Variants in EFCAB6 observed in about 807,000 individuals in gnomAD.
The protein encoded by EFCAB6 is EF-hand calcium-binding domain-containing protein 6.
EFCAB6 carries 156 observed loss-of-function variants against 169.8 expected under a neutral mutation model. That is an observed-to-expected ratio of 0.92 (90% confidence interval 0.81 to 1.05). The LOEUF is 1.05. Among genes scored for constraint, EFCAB6 ranks in the 50% least tolerant of loss-of-function variants. The pLI, the probability that EFCAB6 is intolerant of heterozygous loss-of-function variation, is 0.00. For synonymous variants in EFCAB6, 698 were observed against 676.4 expected, an observed-to-expected ratio of 1.03 and a Z score of -0.50; for missense variants, 1,800 against 1,829.1, an observed-to-expected ratio of 0.98 and a Z score of 0.29.
At chr22:43,623,896 G>A (rs1266398671) in intron 20 of EFCAB6, among the ~76,000 whole-genome samples, 2 of 137,842 alleles carry the variant, frequency 1.5e-5, no homozygotes, top group East Asian at 2.2e-4. Context: ...GTGACAGAGC[G>A]AGACTCCTTC....
chr22:43,755,902 G>T, intron 5 of EFCAB6, 70 bp from the exon 6 acceptor site: 1 of 1,321,008 alleles, frequency 7.6e-7, no homozygotes, highest in South Asian at 1.5e-5. Context: ...GATATGCAGA[G>T]ATCAAAATTA....
Position 43,789,847 on chromosome 22 carries a change from TCACACA to T in EFCAB6, c.-7-7528_-7-7523del, listed in dbSNP as rs34752280. 3.6e-3 allele frequency among the ~76,000 whole-genome samples: 518 copies of T among 143,400 alleles called. 8 individuals carry two copies. The highest frequency in any genetic ancestry group is 0.034 in the East Asian group (167 of 4,864). 94.1% of individuals were successfully genotyped at this position (143,400 alleles called of 152,430 possible). On this transcript the variant is annotated intron_variant, in intron 2 of 31. Coordinates refer to ENST00000262726, the MANE Select transcript of EFCAB6 (RefSeq NM_022785.4). ...CTGAGGCTCCTAAGTTGGCTAACCT[TCACACA>T]CACACACACACACACACACACACAC...
At chr22:43,636,801 G>A (rs1314438071) in intron 17 of EFCAB6, among the ~76,000 whole-genome samples, 2 of 151,352 alleles carry the variant, frequency 1.3e-5, no homozygotes, top group African/African-American at 4.9e-5. Context: ...TAGTAGAGAC[G>A]GGGTTTCACC....
At chr22:43,733,167 T>C (rs933602430) in intron 7 of EFCAB6, among the ~76,000 whole-genome samples, 1 of 152,174 alleles carries the variant, frequency 6.6e-6, no homozygotes, top group Non-Finnish European at 1.5e-5. Context: ...CCTAAAGAGC[T>C]TCATCTTTCA....
At chr22:43,802,016 G>A (rs2148185151) in intron 2 of EFCAB6, among the ~76,000 whole-genome samples, 1 of 152,280 alleles carries the variant, frequency 6.6e-6, no homozygotes, top group South Asian at 2.1e-4. Context: ...GTGAAGGGAT[G>A]GAAAGGATAT....
intron 24 of EFCAB6, among the ~76,000 whole-genome samples, chr22:43,589,280 CAAAAAAAAAAAAAAAAAAAAAAAAAAAA>C (rs1163346832): frequency 4.9e-5 from 4 of 80,932 alleles, no homozygotes; most frequent in Non-Finnish European, 9.6e-5. Context: ...GACTTCATGT[CAAAAAAAAAAAAAAAAAAAAAAAAAAAA>C]AAAAAAAAAA....
In EFCAB6 at chr22:43,678,033, G is replaced by A. The variant is rs761448990; in HGVS notation, c.1382C>T (p.Thr461Ile). The A allele has an allele frequency of 6.2e-7, 1 of 1,613,940 alleles. No homozygotes were observed. Among genetic ancestry groups the A allele is most frequent in the Non-Finnish European group, 8.5e-7 (1 of 1,179,976 alleles). Residue 461 changes from threonine (T) to isoleucine (I), a missense_variant, in exon 13 of 32, where the codon ACC becomes ATC. Thr to Ile is a moderately conservative substitution (Grantham distance 89). Coordinates refer to ENST00000262726, the MANE Select transcript of EFCAB6 (RefSeq NM_022785.4). ...TTCAATCAGATCAATAAACATGCTG[G>A]TGTTGACCACTCCAGTGTCCCCAGG... ...LDPGDTGVVNTSMFIDLIEEN... is the reference protein window; with the variant it reads ...LDPGDTGVVNISMFIDLIEEN...
At position 43,530,844 on chromosome 22, in the gene EFCAB6, C is replaced by A. The variant is rs771677982; in HGVS notation, c.4354G>T (p.Gly1452Trp). 1.2e-6 allele frequency: 2 copies of A among 1,614,092 alleles called. No individual in the cohort carries two copies. Among genetic ancestry groups the A allele is most frequent in the Non-Finnish European group, 8.5e-7 (1 of 1,180,052 alleles). The change falls in exon 31 of 32, where the codon GGG becomes TGG. Residue 1452 changes from glycine (G) to tryptophan (W), a missense_variant. Transcript: ENST00000262726. ...TFKSYDEAGT[G>W]LLSVADFRTV... The stretch of plus-strand genomic sequence containing the variant: ...CTGAAATCTGCGACGCTTAGCAGCC[C>A]TGTTCCAGCCTCATCATAGCTTTTG...
At chr22:43,783,637 T>C (rs1443057218) in intron 2 of EFCAB6, among the ~76,000 whole-genome samples, 1 of 152,082 alleles carries the variant, frequency 6.6e-6, no homozygotes, top group Non-Finnish European at 1.5e-5. Flanking sequence ...TGGCCATATA[T>C]AACAAAGAAT....
At chr22:43,611,643 C>A (rs1045991441) in intron 21 of EFCAB6, among the ~76,000 whole-genome samples, 1 of 151,720 alleles carries the variant, frequency 6.6e-6, no homozygotes, top group South Asian at 2.1e-4. Context: ...CAAAAAATAC[C>A]AAAAATTAGC....
intron 17 of EFCAB6, among the ~76,000 whole-genome samples, chr22:43,651,731 A>G (rs2056479177): frequency 1.3e-5 from 2 of 152,244 alleles, no homozygotes. Flanking sequence ...GGAGCTGCCC[A>G]AGACCATGGG....
At chr22:43,782,413 G>T in intron 2 of EFCAB6, 88 bp from the exon 3 acceptor site, 2 of 1,169,038 alleles carry the variant, frequency 1.7e-6, no homozygotes, top group South Asian at 1.4e-5. Context: ...TTTTCTGAAG[G>T]GACAGCTGCA....
chr22:43,809,310 G>A (rs1476800965), intron 1 of EFCAB6, among the ~76,000 whole-genome samples, 179 bp from the exon 2 acceptor site: 1 of 152,154 alleles, frequency 6.6e-6, no homozygotes, highest in Non-Finnish European at 1.5e-5. Context: ...AACCGTTATA[G>A]ATGATCTGAG....
chr22:43,782,308 A>C lies in EFCAB6; in HGVS notation c.11T>G (p.Met4Arg). 1 of 1,613,174 alleles carries C rather than the reference A, an allele frequency of 6.2e-7. No individual in the cohort carries two copies. Among genetic ancestry groups the C allele is most frequent in the Non-Finnish European group, 8.5e-7 (1 of 1,179,788 alleles). Residue 4 changes from methionine (M) to arginine (R), a missense_variant, in exon 3 of 32, where the codon ATG (methionine) becomes AGG (arginine). Physicochemically the swap from Met to Arg is moderately conservative, Grantham distance 91. Transcript: ENST00000262726. MCK[M>R]AIIPDWLRSH... ...CCTAAGCCAGTCTGGTATAATCGCC[A>C]TTTTGCACATTAAATCCCTGTGATA... is the stretch of plus-strand genomic sequence containing the variant.
intron 8 of EFCAB6, among the ~76,000 whole-genome samples, chr22:43,726,276 C>CAAAAAAAAAAAAAAAAAAAAAAAAAAACA (rs3994547): frequency 1.7e-5 from 1 of 59,356 alleles, no homozygotes; most frequent in African/African-American, 7.3e-5. Flanking sequence ...AAAAATTCAC[C>CAAAAAAAAAAAAAAAAAAAAAAAAAAACA]AAAAAAAAAA....
chr22:43,683,969 G>A (rs1200877755), intron 11 of EFCAB6, 114 bp from the exon 12 acceptor site: 11 of 755,936 alleles, frequency 1.5e-5, no homozygotes, highest in Non-Finnish European at 2.0e-5. Context: ...TTCTCTGTGC[G>A]TGGCTCTTTT....
At chr22:43,607,350 T>G (rs1007336824) in intron 22 of EFCAB6, among the ~76,000 whole-genome samples, 1 of 152,220 alleles carries the variant, frequency 6.6e-6, no homozygotes, top group African/African-American at 2.4e-5. Flanking sequence ...TGCACAGTTG[T>G]TGCTGTACCA....
chr22:43,769,599 AT>A (rs1252762769), intron 4 of EFCAB6, among the ~76,000 whole-genome samples: 2 of 151,742 alleles, frequency 1.3e-5, no homozygotes, highest in African/African-American at 2.4e-5. Flanking sequence ...TAAAGGGGAA[AT>A]TTTTTTTTAA....
chr22:43,781,402 A>G (rs1162177530), intron 3 of EFCAB6, among the ~76,000 whole-genome samples: 2 of 151,784 alleles, frequency 1.3e-5, no homozygotes, highest in African/African-American at 4.9e-5. Context: ...TGGCTCACTG[A>G]AGTCTTGACC....
Sources: allele counts gnomAD v4.1 joint callset (sites outside exome capture counted in the v4.1 genomes callset), GRCh38; gene constraint gnomAD v4.1.1; transcripts MANE v1.5; gene names NCBI Gene and HGNC (gene_info 2026-07-23, HGNC 2026-07-21).